BCLAF3: variants seen among roughly 807,000 people sequenced by gnomAD.
BCLAF3 encodes transient octamer binding factor 1.
BCLAF3 carries 24 observed loss-of-function variants against 51.2 expected under a neutral mutation model. The ratio of observed to expected loss-of-function variants is 0.47; its 90% CI spans 0.34 to 0.66. The LOEUF (loss-of-function observed/expected upper bound fraction) is 0.66. BCLAF3 is among the 30% of genes least tolerant of loss of function. The probability of loss-of-function intolerance (pLI) is 0.01; values close to 1 mark genes in which losing one functional copy is unlikely to be tolerated. For missense variants in BCLAF3, 465 were observed against 525.1 expected, an observed-to-expected ratio of 0.89 and a Z score of 1.12; for synonymous variants, 152 against 176.6, an observed-to-expected ratio of 0.86 and a Z score of 1.10.
intron 4 of BCLAF3, 61 bp downstream of exon 4, chrX:19,964,983 G>A: frequency 1.0e-6 from 1 of 967,517 alleles, no homozygotes; most frequent in East Asian, 3.3e-5. Flanking sequence ...CATTTTTGAA[G>A]CTGCAAATAA....
Position 19,979,140 on chromosome X carries a change from A to G in BCLAF3, c.-34-8842T>C, listed in dbSNP as rs1414222654. ...CCAGGTGTGGTGGCATACACCTATA[A>G]TCCCAGCTACTTGGAAGGCTGAGGC... On this transcript the variant is annotated intron_variant, in intron 1 of 11. Transcript: ENST00000379682. Among the ~76,000 whole-genome samples, 4 of 110,570 alleles carry G rather than the reference A, an allele frequency of 3.6e-5. No individual in the cohort carries two copies. In the East Asian group the frequency reaches 1.2e-3, roughly 32 times the overall value.
At position 19,915,553 on chromosome X, in the gene BCLAF3, T is replaced by C. The variant is rs2069918569; in HGVS notation, c.*1752A>G. The C allele has an allele frequency of 8.9e-6, 1 of 112,126 alleles. No individual in the cohort carries two copies. The highest frequency in any genetic ancestry group is 1.9e-5 in the Non-Finnish European group (1 of 53,224). 9.2% of individuals were successfully genotyped at this position (112,126 alleles called of 1,213,427 possible). ...TAGTAAATCAGCCATCTTACCTTTA[T>C]GTGTTACAATAAATAAAAAGCGAGC... On this transcript the variant is annotated 3_prime_UTR_variant, in exon 12 of 12. Transcript: ENST00000379682.
chrX:19,919,599 G>A (rs1164272805), intron 11 of BCLAF3, among the ~76,000 whole-genome samples: 2 of 110,480 alleles, frequency 1.8e-5, no homozygotes, highest in African/African-American at 6.6e-5. Context: ...GCTCACACCT[G>A]TAATCCCAGC....
In BCLAF3 at chrX:19,955,498, T is replaced by C. The variant is rs1350433465; in HGVS notation, c.1343A>G (p.Glu448Gly). Reference sequence around the variant, plus strand: ...ATGTTCAAACACTGGATGAAAGTTCTCACTTTTCCTGCCAACAGCAACCAA... The same window carrying C: ...ATGTTCAAACACTGGATGAAAGTTCCCACTTTTCCTGCCAACAGCAACCAA... ...HDLVAVGRKS[E>G]NFHPVFEHLD... Residue 448 changes from glutamate to glycine, a missense_variant, in exon 5 of 12, where the codon GAG becomes GGG. Physicochemically the swap from Glu to Gly is moderately conservative, Grantham distance 98. Coordinates refer to ENST00000379682, the MANE Select transcript of BCLAF3 (RefSeq NM_001367774.2). 8.3e-7 allele frequency: 1 copy of C among 1,204,572 alleles called. No homozygotes were observed. Among genetic ancestry groups the C allele is most frequent in the Non-Finnish European group, 1.1e-6 (1 of 892,242 alleles).
chrX:19,920,395 C>T (rs2070105097), intron 11 of BCLAF3, among the ~76,000 whole-genome samples: 1 of 111,785 alleles, frequency 8.9e-6, no homozygotes, highest in African/African-American at 3.3e-5. Context: ...ACCCCTGACA[C>T]AATGGCTTTT....
At chrX:19,932,246 C>T (rs1342163291) in intron 10 of BCLAF3, among the ~76,000 whole-genome samples, 1 of 111,921 alleles carries the variant, frequency 8.9e-6, no homozygotes, top group African/African-American at 3.2e-5. Context: ...CACAAAGTTA[C>T]ATGGGAAGAG....
At chrX:19,981,953 T>C (rs1256557922) in intron 1 of BCLAF3, among the ~76,000 whole-genome samples, 1 of 111,150 alleles carries the variant, frequency 9.0e-6, no homozygotes, top group Non-Finnish European at 1.9e-5. Flanking sequence ...TAGACTGTGG[T>C]GATGGTTGCA....
intron 7 of BCLAF3, among the ~76,000 whole-genome samples, chrX:19,951,224 G>A (rs888869981): frequency 9.0e-6 from 1 of 111,253 alleles, no homozygotes; most frequent in African/African-American, 3.3e-5. Flanking sequence ...GTAAACTTAA[G>A]TCAAAAGAAT....
chrX:19,937,545 C>G lies in BCLAF3; in HGVS notation c.1746-13G>C, dbSNP rs750103109. On this transcript the variant is annotated splice_polypyrimidine_tract_variant and intron_variant, in intron 8 of 11. Coordinates refer to ENST00000379682, the MANE Select transcript of BCLAF3 (RefSeq NM_001367774.2). Reference sequence around the variant, plus strand: ...ATTCTGATCATCCCTAATAAGGAAACAGAGAAAATAAGAATATTTTATTAG... The same window carrying G: ...ATTCTGATCATCCCTAATAAGGAAAGAGAGAAAATAAGAATATTTTATTAG... 2 of 884,105 alleles carry G rather than the reference C, an allele frequency of 2.3e-6. No homozygotes were observed. The highest frequency in any genetic ancestry group is 3.2e-6 in the Non-Finnish European group (2 of 628,255). 72.9% of individuals were successfully genotyped at this position (884,105 alleles called of 1,213,427 possible). A position where few individuals can be genotyped will look rare whatever the true frequency, so the allele number is the denominator to read the frequency against.
rs772573760 is a variant in BCLAF3 at position 19,927,814 on chromosome X, T to C, written c.2106+1971A>G. Among the ~76,000 whole-genome samples, 6 of 108,157 alleles carry C rather than the reference T, an allele frequency of 5.5e-5. No individual in the cohort carries two copies. In the South Asian group the frequency reaches 1.6e-3, roughly 30 times the overall value. 93.9% of individuals were successfully genotyped at this position (108,157 alleles called of 115,157 possible). A position where few individuals can be genotyped will look rare whatever the true frequency, so the allele number is the denominator to read the frequency against. Reference sequence around the variant, plus strand: ...GTACCACTATGCCCAGCAATTCTCATTTAAAATATAATTATTTTGTAGAAG... The same window carrying C: ...GTACCACTATGCCCAGCAATTCTCACTTAAAATATAATTATTTTGTAGAAG... On this transcript the variant is annotated intron_variant, in intron 11 of 11. Coordinates refer to ENST00000379682, the MANE Select transcript of BCLAF3 (RefSeq NM_001367774.2).
At chrX:19,961,379 T>C (rs1028116345) in intron 4 of BCLAF3, among the ~76,000 whole-genome samples, 13 of 112,231 alleles carry the variant, frequency 1.2e-4, no homozygotes, top group African/African-American at 4.2e-4. Flanking sequence ...CTGTTCTAGA[T>C]ACAAACTAGA....
chrX:19,960,936 G>T (rs142039663), intron 4 of BCLAF3, among the ~76,000 whole-genome samples: 163 of 112,152 alleles, frequency 1.5e-3, no homozygotes, highest in African/African-American at 5.2e-3. Flanking sequence ...CATGAATGCT[G>T]ATGGACAACC....
chrX:19,967,245 T>G (rs1277053770), intron 2 of BCLAF3, among the ~76,000 whole-genome samples: 1 of 111,769 alleles, frequency 8.9e-6, no homozygotes, highest in Non-Finnish European at 1.9e-5. Flanking sequence ...ACAAAACATA[T>G]GTACTTAACC....
intron 2 of BCLAF3, among the ~76,000 whole-genome samples, chrX:19,968,881 AGGCG>A (rs1346824021): frequency 8.9e-6 from 1 of 111,742 alleles, no homozygotes; most frequent in African/African-American, 3.3e-5. Flanking sequence ...TGGGAGGCCG[AGGCG>A]GGCGGATCAC....
At chrX:19,986,249 C>A (rs745698602) in intron 1 of BCLAF3, among the ~76,000 whole-genome samples, 2 of 111,377 alleles carry the variant, frequency 1.8e-5, no homozygotes, top group African/African-American at 6.5e-5. Context: ...AAGTACAGAT[C>A]ACTAAAATTT....
chrX:19,977,937 C>A (rs1337066437), intron 1 of BCLAF3, among the ~76,000 whole-genome samples: 2 of 110,471 alleles, frequency 1.8e-5, no homozygotes, highest in Non-Finnish European at 3.8e-5. Context: ...ATAAATGGGA[C>A]AACAAAGCCT....
At chrX:19,936,260 G>C (rs916654527) in intron 9 of BCLAF3, among the ~76,000 whole-genome samples, 4 of 112,030 alleles carry the variant, frequency 3.6e-5, no homozygotes, top group African/African-American at 1.3e-4. Context: ...GTTGCTGAAG[G>C]GTTCCTACTG....
At chrX:19,928,645 T>C (rs772019319) in intron 11 of BCLAF3, among the ~76,000 whole-genome samples, 2 of 111,404 alleles carry the variant, frequency 1.8e-5, no homozygotes, top group African/African-American at 3.3e-5. Flanking sequence ...GAGTTAGGAA[T>C]AAAAACATTA....
At position 19,956,170 on chromosome X, in the gene BCLAF3, C is replaced by T. The variant is rs1317191155; in HGVS notation, c.1275-604G>A. ...TGTTAACACCAGTTACAGTGTTCACCCTCAATGTACCCTTAAAGAAATACT... is the reference window on the plus strand; with the variant it reads ...TGTTAACACCAGTTACAGTGTTCACTCTCAATGTACCCTTAAAGAAATACT... On this transcript the variant is annotated intron_variant, in intron 4 of 11. Transcript: ENST00000379682. 2.7e-5 allele frequency among the ~76,000 whole-genome samples: 3 copies of T among 111,684 alleles called. No individual in the cohort carries two copies. In the Admixed American group the frequency reaches 2.8e-4, roughly 11 times the overall value.
Sources: allele counts gnomAD v4.1 joint callset (sites outside exome capture counted in the v4.1 genomes callset), GRCh38; gene constraint gnomAD v4.1.1; transcripts MANE v1.5; gene names NCBI Gene and HGNC (gene_info 2026-07-23, HGNC 2026-07-21).